Variants in MAPK4 observed in about 807,000 individuals in gnomAD.
The protein encoded by MAPK4 is Erk3-related.
Under a neutral mutation model 47.7 loss-of-function variants are expected in MAPK4, and 22 were observed. That is an observed-to-expected ratio of 0.46 (90% CI 0.33 to 0.66). The LOEUF (loss-of-function observed/expected upper bound fraction) is 0.66, where lower values mean the gene tolerates loss of function less well. MAPK4 is among the 30% of genes least tolerant of loss of function. The pLI is 0.02. For synonymous variants in MAPK4, 390 were observed against 365.7 expected (o/e 1.07, Z -0.76); for missense variants, 736 against 831.7 (o/e 0.88, Z 1.42).
intron 3 of MAPK4, among the ~76,000 whole-genome samples, chr18:50,720,046 T>G (rs898252871): frequency 1.3e-5 from 2 of 152,152 alleles, no homozygotes; most frequent in African/African-American, 4.8e-5. Flanking sequence ...CAACAGCTGG[T>G]GTGACATGGA....
chr18:50,642,011 T>G (rs1179915208), intron 1 of MAPK4, among the ~76,000 whole-genome samples: 1 of 152,236 alleles, frequency 6.6e-6, no homozygotes, highest in African/African-American at 2.4e-5. Context: ...ACTTACATTT[T>G]TACATGTAAA....
intron 1 of MAPK4, among the ~76,000 whole-genome samples, chr18:50,561,179 A>ACG (rs1024924677): frequency 6.6e-6 from 1 of 152,188 alleles, no homozygotes; most frequent in African/African-American, 2.4e-5. Flanking sequence ...GCGTACTGTC[A>ACG]CGCGCCTCTC....
At chr18:50,579,133 G>A (rs568912060) in intron 1 of MAPK4, among the ~76,000 whole-genome samples, 36 of 152,302 alleles carry the variant, frequency 2.4e-4, no homozygotes, top group African/African-American at 8.2e-4. Context: ...GTGTAAGCAG[G>A]AGAGGATGGT....
At chr18:50,637,927 C>A (rs1267920696) in intron 1 of MAPK4, among the ~76,000 whole-genome samples, 1 of 152,190 alleles carries the variant, frequency 6.6e-6, no homozygotes, top group African/African-American at 2.4e-5. Context: ...TCTTTAAAGA[C>A]CCTGTCTCCA....
At position 50,683,415 on chromosome 18, in the gene MAPK4, T is replaced by C. The variant is rs536790824; in HGVS notation, c.546+18911T>C. On this transcript the variant is annotated intron_variant, in intron 2 of 5. Transcript: ENST00000400384. ...TGGGATTACAAGCTTGAGCTACCACTCCTGACCTAATATGTTCATTATTTT... is the reference window on the plus strand; with the variant it reads ...TGGGATTACAAGCTTGAGCTACCACCCCTGACCTAATATGTTCATTATTTT... Among the ~76,000 whole-genome samples the C allele has an allele frequency of 1.0e-3, 154 of 151,636 alleles. 1 individual carries two copies. The highest frequency in any genetic ancestry group is 4.3e-4 in the Non-Finnish European group (29 of 67,900).
At chr18:50,640,899 G>C (rs1010698884) in intron 1 of MAPK4, among the ~76,000 whole-genome samples, 1 of 152,198 alleles carries the variant, frequency 6.6e-6, no homozygotes, top group Non-Finnish European at 1.5e-5. Flanking sequence ...ACTGGAGCGG[G>C]CTTCCATGAA....
intron 1 of MAPK4, among the ~76,000 whole-genome samples, chr18:50,631,610 C>T (rs1322689983): frequency 1.3e-5 from 2 of 152,156 alleles, no homozygotes; most frequent in Non-Finnish European, 2.9e-5. Flanking sequence ...CTTGCTCTGT[C>T]CTGCAAACTC....
At chr18:50,706,875 T>A (rs1278729169) in intron 2 of MAPK4, among the ~76,000 whole-genome samples, 1 of 152,166 alleles carries the variant, frequency 6.6e-6, no homozygotes, top group Non-Finnish European at 1.5e-5. Flanking sequence ...TCCTGGTACA[T>A]CACTGAACAA....
chr18:50,601,263 G>T (rs2042537602), intron 1 of MAPK4, among the ~76,000 whole-genome samples: 1 of 150,494 alleles, frequency 6.6e-6, no homozygotes, highest in South Asian at 2.1e-4. Flanking sequence ...GAGCCTGGGA[G>T]GTGGAGGTTG....
intron 1 of MAPK4, chr18:50,629,683 T>A (rs978023233): frequency 1.3e-5 from 2 of 152,268 alleles, no homozygotes; most frequent in African/African-American, 4.8e-5. Context: ...GGCTGGACCA[T>A]GTTGGAAACC....
At chr18:50,600,354 T>C (rs1169078376) in intron 1 of MAPK4, among the ~76,000 whole-genome samples, 1 of 152,114 alleles carries the variant, frequency 6.6e-6, no homozygotes, top group Non-Finnish European at 1.5e-5. Context: ...GACACATAGC[T>C]CCAGGGGCAG....
intron 1 of MAPK4, among the ~76,000 whole-genome samples, chr18:50,610,542 GC>G (rs1428974827): frequency 6.6e-6 from 1 of 152,212 alleles, no homozygotes; most frequent in Non-Finnish European, 1.5e-5. Context: ...TCCCTCTAGT[GC>G]CCCCTGTTGG....
chr18:50,661,522 T>C (rs2144243504), intron 1 of MAPK4, among the ~76,000 whole-genome samples: 1 of 152,306 alleles, frequency 6.6e-6, no homozygotes, highest in East Asian at 1.9e-4. Flanking sequence ...CCTGTAAAGT[T>C]AGAACTGGAA....
chr18:50,692,633 G>A (rs1909281714), intron 2 of MAPK4, among the ~76,000 whole-genome samples: 1 of 152,146 alleles, frequency 6.6e-6, no homozygotes, highest in African/African-American at 2.4e-5. Context: ...GCAGGGAGAG[G>A]GCCCTCAATA....
chr18:50,662,413 A>G (rs1907320765), intron 1 of MAPK4, among the ~76,000 whole-genome samples: 1 of 152,232 alleles, frequency 6.6e-6, no homozygotes, highest in South Asian at 2.1e-4. Context: ...GAGCGAGGTC[A>G]CATTGTCAAA....
chr18:50,714,697 G>A (rs1466943640), intron 2 of MAPK4, among the ~76,000 whole-genome samples: 1 of 152,146 alleles, frequency 6.6e-6, no homozygotes, highest in Non-Finnish European at 1.5e-5. Flanking sequence ...AGAGTCTCAT[G>A]GTTACTCTGT....
chr18:50,692,000 T>A lies in MAPK4; in HGVS notation c.547-23079T>A, dbSNP rs115495582. ...TCTTTCAAAATTCTTTGATAGATCT[T>A]AAAAAGGGAGCTGGTGCCAGCCTTT... On this transcript the variant is annotated intron_variant, in intron 2 of 5. Coordinates refer to ENST00000400384, the MANE Select transcript of MAPK4 (RefSeq NM_002747.4). 4.4e-3 allele frequency among the ~76,000 whole-genome samples: 668 copies of A among 152,294 alleles called. 4 individuals are homozygous for A. Among genetic ancestry groups the A allele is most frequent in the African/African-American group, 0.015 (633 of 41,546 alleles).
At chr18:50,726,342 A>G (rs1342742415) in intron 5 of MAPK4, among the ~76,000 whole-genome samples, 167 bp downstream of exon 5, 2 of 152,138 alleles carry the variant, frequency 1.3e-5, no homozygotes, top group Admixed American at 6.5e-5. Flanking sequence ...CACTACCAGT[A>G]AATGACCAGT....
At chr18:50,680,980 A>G (rs1181957566) in intron 2 of MAPK4, among the ~76,000 whole-genome samples, 1 of 152,190 alleles carries the variant, frequency 6.6e-6, no homozygotes, top group East Asian at 1.9e-4. Flanking sequence ...CTACTGCTTG[A>G]GGAGCTACCA....
Sources: allele counts gnomAD v4.1 joint callset (sites outside exome capture counted in the v4.1 genomes callset), GRCh38; gene constraint gnomAD v4.1.1; transcripts MANE v1.5; gene names NCBI Gene and HGNC (gene_info 2026-07-23, HGNC 2026-07-21).